The following NRXN3 variants were observed in gnomAD, a reference collection of about 807,000 sequenced individuals.
NRXN3 encodes neurexin III.
Under a neutral mutation model 137.6 loss-of-function variants are expected in NRXN3, and 32 were observed. The ratio of observed to expected loss-of-function variants is 0.23; its 90% CI spans 0.18 to 0.31. The LOEUF (loss-of-function observed/expected upper bound fraction) is 0.31, where lower values mean the gene tolerates loss of function less well. Ranked by LOEUF, NRXN3 falls within the 10% of genes least tolerant of loss-of-function variation. The pLI is 1.00. For synonymous variants in NRXN3, 798 were observed against 784.5 expected (o/e 1.02, Z -0.29); for missense variants, 1,574 against 2,062.5 (o/e 0.76, Z 4.59).
chr14:79,515,881 T>C (rs1045702823), intron 16 of NRXN3, among the ~76,000 whole-genome samples: 3 of 152,086 alleles, frequency 2.0e-5, no homozygotes, highest in Non-Finnish European at 2.9e-5. Context: ...TCTAAAGAGG[T>C]GGCTTCTTTC....
chr14:78,364,531 C>T (rs2085611334), intron 4 of NRXN3, among the ~76,000 whole-genome samples: 1 of 152,140 alleles, frequency 6.6e-6, no homozygotes, highest in Non-Finnish European at 1.5e-5. Context: ...TGTGGATTGA[C>T]ACTGGCATTT....
chr14:79,824,842 A>C (rs1311753588), intron 20 of NRXN3, among the ~76,000 whole-genome samples: 1 of 152,246 alleles, frequency 6.6e-6, no homozygotes, highest in Non-Finnish European at 1.5e-5. Context: ...TATGTAAAAT[A>C]TATAAATTTA....
intron 15 of NRXN3, among the ~76,000 whole-genome samples, chr14:79,444,320 AT>A (rs1567145060): frequency 1.3e-5 from 2 of 152,278 alleles, no homozygotes; most frequent in African/African-American, 4.8e-5. Context: ...CCCTTCTCTT[AT>A]GAGTGACTTA....
chr14:78,302,529 G>A (rs1018537684), intron 4 of NRXN3, among the ~76,000 whole-genome samples: 1 of 152,110 alleles, frequency 6.6e-6, no homozygotes, highest in African/African-American at 2.4e-5. Flanking sequence ...CCGGATACAA[G>A]GGTGACCTCC....
intron 15 of NRXN3, among the ~76,000 whole-genome samples, chr14:79,037,802 G>A (rs1174426201): frequency 6.6e-6 from 1 of 152,122 alleles, no homozygotes; most frequent in Non-Finnish European, 1.5e-5. Flanking sequence ...ACTTATTTGA[G>A]TTCTCATATA....
intron 16 of NRXN3, among the ~76,000 whole-genome samples, chr14:79,533,190 A>G (rs1315934674): frequency 6.6e-6 from 1 of 152,036 alleles, no homozygotes; most frequent in South Asian, 2.1e-4. Flanking sequence ...CATTTTACAG[A>G]TGAGAAAACT....
intron 6 of NRXN3, among the ~76,000 whole-genome samples, chr14:78,663,137 T>G (rs1371504432): frequency 6.6e-6 from 1 of 152,204 alleles, no homozygotes; most frequent in Non-Finnish European, 1.5e-5. Flanking sequence ...GTGTTGGAGT[T>G]GAGATGTAAA....
At chr14:79,586,839 A>T (rs1445410751) in intron 16 of NRXN3, among the ~76,000 whole-genome samples, 1 of 152,214 alleles carries the variant, frequency 6.6e-6, no homozygotes, top group Non-Finnish European at 1.5e-5. Flanking sequence ...AGTAGTAGCT[A>T]TTCATATTCA....
chr14:79,746,774 T>C (rs1227053250), intron 19 of NRXN3, among the ~76,000 whole-genome samples: 5 of 152,272 alleles, frequency 3.3e-5, no homozygotes, highest in African/African-American at 9.6e-5. Context: ...CTTTACTTTG[T>C]GGTCATTTGT....
chr14:78,416,691 A>G (rs1225860433), intron 4 of NRXN3, among the ~76,000 whole-genome samples: 2 of 152,188 alleles, frequency 1.3e-5, no homozygotes, highest in Non-Finnish European at 2.9e-5. Context: ...TTGCTCTAGC[A>G]CCGAATTACA....
At chr14:79,740,089 A>T (rs1386117082) in intron 19 of NRXN3, among the ~76,000 whole-genome samples, 2 of 152,014 alleles carry the variant, frequency 1.3e-5, no homozygotes, top group Non-Finnish European at 2.9e-5. Context: ...TCCTTGTTTG[A>T]GTTAGTGTAT....
intron 8 of NRXN3, among the ~76,000 whole-genome samples, chr14:78,734,767 A>C (rs2098534033): frequency 6.6e-6 from 1 of 152,182 alleles, no homozygotes; most frequent in South Asian, 2.1e-4. Flanking sequence ...CAATAGGTAA[A>C]AAGAAGTATG....
At chr14:79,528,814 G>C (rs1044414840) in intron 16 of NRXN3, among the ~76,000 whole-genome samples, 2 of 152,054 alleles carry the variant, frequency 1.3e-5, no homozygotes, top group South Asian at 2.1e-4. Flanking sequence ...CTTAATATGC[G>C]ATATAATAAG....
At chr14:79,601,650 C>T (rs1163108455) in intron 16 of NRXN3, among the ~76,000 whole-genome samples, 1 of 152,190 alleles carries the variant, frequency 6.6e-6, no homozygotes, top group African/African-American at 2.4e-5. Context: ...AGTGCCCTTG[C>T]TTGGAGCAGA....
intron 15 of NRXN3, among the ~76,000 whole-genome samples, chr14:79,146,973 T>C (rs2059356605): frequency 1.3e-5 from 2 of 151,912 alleles, no homozygotes; most frequent in Non-Finnish European, 2.9e-5. Flanking sequence ...GTGATGGGCT[T>C]GAAGTTCTAA....
intron 1 of NRXN3, among the ~76,000 whole-genome samples, chr14:78,195,342 C>A (rs2061132236): frequency 6.6e-6 from 1 of 151,840 alleles, no homozygotes. Context: ...TTCATTCATT[C>A]ATTCATTCAA....
At chr14:78,172,268 A>C (rs1203348844) in intron 1 of NRXN3, among the ~76,000 whole-genome samples, 1 of 152,014 alleles carries the variant, frequency 6.6e-6, no homozygotes, top group African/African-American at 2.4e-5. Flanking sequence ...GGGCACCTGG[A>C]GGTTAGTCTG....
At chr14:78,193,710 C>T (rs1018785146) in intron 1 of NRXN3, among the ~76,000 whole-genome samples, 2 of 144,124 alleles carry the variant, frequency 1.4e-5, no homozygotes, top group African/African-American at 5.2e-5. Context: ...TGTAGTGAGC[C>T]GAGATTGTGC....
intron 16 of NRXN3, among the ~76,000 whole-genome samples, chr14:79,612,467 A>C (rs2098114936): frequency 6.6e-6 from 1 of 152,198 alleles, no homozygotes; most frequent in Admixed American, 6.5e-5. Context: ...AAAGGGTGGC[A>C]AACTGATGGA....
Sources: allele counts gnomAD v4.1 joint callset (sites outside exome capture counted in the v4.1 genomes callset), GRCh38; gene constraint gnomAD v4.1.1; transcripts MANE v1.5; gene names NCBI Gene and HGNC (gene_info 2026-07-23, HGNC 2026-07-21).